The following PIK3AP1 variants were observed in gnomAD, a reference collection of about 807,000 sequenced individuals.
PIK3AP1 encodes phosphoinositide-3-kinase adaptor protein 1.
A neutral mutation model predicts 88.1 loss-of-function variants in PIK3AP1; 21 were observed. The ratio of observed to expected loss-of-function variants is 0.24; its 90% CI spans 0.17 to 0.34. The LOEUF (loss-of-function observed/expected upper bound fraction) is 0.34. Ranked by LOEUF, PIK3AP1 falls within the 10% of genes least tolerant of loss-of-function variation. The probability of loss-of-function intolerance (pLI) is 1.00; values close to 1 mark genes in which losing one functional copy is unlikely to be tolerated. For missense variants in PIK3AP1, 828 were observed against 1,035.7 expected, an observed-to-expected ratio of 0.80 and a Z score of 2.75; for synonymous variants, 398 against 400.0, an observed-to-expected ratio of 1.00 and a Z score of 0.06.
intron 8 of PIK3AP1, among the ~76,000 whole-genome samples, chr10:96,642,466 G>GAGAA (rs71488806): frequency 2.3e-3 from 328 of 140,340 alleles, no homozygotes; most frequent in Non-Finnish European, 3.7e-3. Context: ...AAGAAAAAAA[G>GAGAA]AGAAAGAAAG....
At position 96,720,406 on chromosome 10, in the gene PIK3AP1, C is replaced by T; in HGVS notation, c.-12G>A. The T allele has an allele frequency of 8.1e-7, 1 of 1,237,386 alleles. No individual in the cohort carries two copies. Among genetic ancestry groups the T allele is most frequent in the Non-Finnish European group, 1.0e-6 (1 of 986,702 alleles). 76.7% of individuals were successfully genotyped at this position (1,237,386 alleles called of 1,614,324 possible). On this transcript the variant is annotated 5_prime_UTR_variant, in exon 1 of 17. Transcript: ENST00000339364. The surrounding 1 kb of genome is among the most constrained non-coding windows in gnomAD (Gnocchi z 4.6). ...CCTGAGGCTGCCATGCCGCGGGGCGCCGCTCACATCCCTGGCTCGCTGCGT... is the reference window on the plus strand; with the variant it reads ...CCTGAGGCTGCCATGCCGCGGGGCGTCGCTCACATCCCTGGCTCGCTGCGT...
chr10:96,635,775 G>T (rs1184648920), intron 8 of PIK3AP1, among the ~76,000 whole-genome samples: 1 of 151,758 alleles, frequency 6.6e-6, no homozygotes, highest in Non-Finnish European at 1.5e-5. Flanking sequence ...TGTGGTGGTG[G>T]GCGCCTGTGG....
chr10:96,704,398 T>C (rs138924694), intron 2 of PIK3AP1, among the ~76,000 whole-genome samples: 1 of 152,188 alleles, frequency 6.6e-6, no homozygotes. Flanking sequence ...ACCAGCAGCA[T>C]CAGCATCACC....
chr10:96,646,338 C>T (rs1309098432), intron 7 of PIK3AP1, among the ~76,000 whole-genome samples: 1 of 152,052 alleles, frequency 6.6e-6, no homozygotes, highest in Admixed American at 6.5e-5. Flanking sequence ...ACCCTATCTC[C>T]TGTAATCCAT....
In PIK3AP1 at chr10:96,617,196, C is replaced by T. The variant is rs558050241; in HGVS notation, c.1942-485G>A. On this transcript the variant is annotated intron_variant, in intron 12 of 16. Coordinates refer to ENST00000339364, the MANE Select transcript of PIK3AP1 (RefSeq NM_152309.3). ...ATGTGTGCACACTCTTGTGCCTTGC[C>T]TCTTTGAGATACTGTGAGCTCTTCA... Among the ~76,000 whole-genome samples, 142 of 152,340 alleles carry T rather than the reference C, an allele frequency of 9.3e-4. 1 individual carries two copies. Among genetic ancestry groups the T allele is most frequent in the Non-Finnish European group, 1.6e-3 (108 of 68,034 alleles).
chr10:96,618,830 A>AC (rs1843036413), intron 12 of PIK3AP1: 1 of 152,204 alleles, frequency 6.6e-6, no homozygotes. Context: ...GAGCAAAAAA[A>AC]CATTGTTTAG....
At chr10:96,599,570 G>A (rs1034700123) in intron 16 of PIK3AP1, among the ~76,000 whole-genome samples, 2 of 152,104 alleles carry the variant, frequency 1.3e-5, no homozygotes, top group African/African-American at 4.8e-5. Context: ...GTTAGAACAC[G>A]GGCAGAGAAG....
chr10:96,623,975 C>T (rs1207989175), intron 10 of PIK3AP1, among the ~76,000 whole-genome samples: 1 of 152,148 alleles, frequency 6.6e-6, no homozygotes, highest in African/African-American at 2.4e-5. Context: ...AAGTCACTTA[C>T]GAGGGACAGA....
At chr10:96,691,123 CCAAGCAAA>C (rs1360014718) in intron 2 of PIK3AP1, among the ~76,000 whole-genome samples, 1 of 152,152 alleles carries the variant, frequency 6.6e-6, no homozygotes, top group Non-Finnish European at 1.5e-5. Context: ...TTCCCTCCTT[CCAAGCAAA>C]CAAGCACAAA....
intron 6 of PIK3AP1, among the ~76,000 whole-genome samples, chr10:96,649,749 T>C (rs1054690780): frequency 1.3e-5 from 2 of 152,188 alleles, no homozygotes; most frequent in African/African-American, 4.8e-5. Flanking sequence ...AGGAGAGATT[T>C]TGAATGTTGG....
rs1229575759 is a variant in PIK3AP1 at position 96,720,026 on chromosome 10, A to C, written c.13+356T>G. Among the ~76,000 whole-genome samples, 2 of 152,082 alleles carry C rather than the reference A, an allele frequency of 1.3e-5. No homozygotes were observed. Among genetic ancestry groups the C allele is most frequent in the African/African-American group, 4.8e-5 (2 of 41,394 alleles). On this transcript the variant is annotated intron_variant, in intron 1 of 16. Coordinates refer to ENST00000339364, the MANE Select transcript of PIK3AP1 (RefSeq NM_152309.3). The surrounding 1 kb of genome is among the most constrained non-coding windows in gnomAD (Gnocchi z 4.6). ...GCGTTTGGCCCTGTAGACCATCCACATCGCCCGCCCTCCGCTTCTCTCAAC... is the reference window on the plus strand; with the variant it reads ...GCGTTTGGCCCTGTAGACCATCCACCTCGCCCGCCCTCCGCTTCTCTCAAC...
chr10:96,612,810 T>G (rs769594902), intron 13 of PIK3AP1, among the ~76,000 whole-genome samples: 2 of 151,556 alleles, frequency 1.3e-5, no homozygotes, highest in Non-Finnish European at 2.9e-5. Flanking sequence ...CTCCATCCCC[T>G]ACCACTTTCC....
At chr10:96,661,407 A>G (rs1445334581) in intron 2 of PIK3AP1, among the ~76,000 whole-genome samples, 2 of 152,226 alleles carry the variant, frequency 1.3e-5, no homozygotes, top group Admixed American at 6.5e-5. Context: ...AGAGTATACA[A>G]CAGTAGGTGA....
chr10:96,639,615 A>G (rs1226992951), intron 8 of PIK3AP1, among the ~76,000 whole-genome samples: 1 of 152,218 alleles, frequency 6.6e-6, no homozygotes, highest in Non-Finnish European at 1.5e-5. Flanking sequence ...AGCAACAGGA[A>G]GTCAAGAGGT....
chr10:96,678,505 A>C (rs1843956262), intron 2 of PIK3AP1, among the ~76,000 whole-genome samples: 2 of 152,140 alleles, frequency 1.3e-5, no homozygotes, highest in Admixed American at 1.3e-4. Context: ...CCTGGGCTCC[A>C]TGGATCCTCC....
intron 2 of PIK3AP1, among the ~76,000 whole-genome samples, chr10:96,694,889 G>T (rs1844200736): frequency 6.6e-6 from 1 of 151,994 alleles, no homozygotes; most frequent in African/African-American, 2.4e-5. Flanking sequence ...CCCCATCAAA[G>T]ACTCTAAAGC....
chr10:96,598,194 C>G (rs1026109133), intron 16 of PIK3AP1, among the ~76,000 whole-genome samples: 6 of 151,910 alleles, frequency 3.9e-5, no homozygotes, highest in Non-Finnish European at 5.9e-5. Context: ...CAGGCACACA[C>G]CACCACACCT....
intron 8 of PIK3AP1, among the ~76,000 whole-genome samples, chr10:96,642,420 T>C (rs1843401403): frequency 1.1e-4 from 7 of 60,904 alleles, no homozygotes. Context: ...AGCCAGATGT[T>C]GTCTCAAAAA....
chr10:96,646,870 C>T (rs1347204329), intron 7 of PIK3AP1, among the ~76,000 whole-genome samples: 7 of 152,192 alleles, frequency 4.6e-5, no homozygotes, highest in Non-Finnish European at 7.3e-5. Context: ...TGGTGTTTCA[C>T]AATCCTTATT....
Sources: allele counts gnomAD v4.1 joint callset (sites outside exome capture counted in the v4.1 genomes callset), GRCh38; gene constraint gnomAD v4.1.1; non-coding constraint Gnocchi (gnomAD v3.1); transcripts MANE v1.5; gene names NCBI Gene and HGNC (gene_info 2026-07-23, HGNC 2026-07-21).